The following SMPD4 variants were observed in gnomAD, a reference collection of about 807,000 sequenced individuals.
SMPD4 encodes the protein neutral sphingomyelinase 3.
In SMPD4, 58 loss-of-function variants were observed where a neutral mutation model predicts 97.8. The ratio of observed to expected loss-of-function variants is 0.59; its 90% CI spans 0.48 to 0.74. The LOEUF is 0.74. SMPD4 is among the 30% of genes least tolerant of loss of function. SMPD4 has a pLI of 0.00. For synonymous variants in SMPD4, 388 were observed against 450.0 expected (o/e 0.86, Z 1.74); for missense variants, 853 against 1,080.5 (o/e 0.79, Z 2.95).
Position 130,155,220 on chromosome 2 carries a change from C to T in SMPD4, c.1329G>A (p.Lys443=). 2.5e-6 allele frequency: 4 copies of T among 1,614,188 alleles called. No individual in the cohort carries two copies. Among genetic ancestry groups the T allele is most frequent in the Non-Finnish European group, 3.4e-6 (4 of 1,180,032 alleles). The change falls in exon 15 of 20, where the codon AAG becomes AAA. Residue 443 remains lysine, a synonymous_variant. Transcript: ENST00000680298. ...CGCGGTTCAGAAAGCCCACAAACAA[C>T]TTGGTGTACATCAGCAGGTTCTCCT... is the stretch of plus-strand genomic sequence containing the variant. ...FVQENLLMYT[K]LFVGFLNRAL...
Position 130,158,480 on chromosome 2 carries a change from C to T in SMPD4, c.952-1084G>A, listed in dbSNP as rs75377146. Among the ~76,000 whole-genome samples the T allele has an allele frequency of 1.1e-4, 17 of 152,252 alleles. No individual in the cohort carries two copies. In the East Asian group the frequency reaches 3.1e-3, roughly 28 times the overall value. On this transcript the variant is annotated intron_variant, in intron 11 of 19. Coordinates refer to ENST00000680298, the MANE Select transcript of SMPD4 (RefSeq NM_017951.5). ...GACAAGTGTGTGCCACCATGCCCAGCTAATTTTTATTTTTCATAGAGATGG... is the reference window on the plus strand; with the variant it reads ...GACAAGTGTGTGCCACCATGCCCAGTTAATTTTTATTTTTCATAGAGATGG...
At chr2:130,166,178 G>A (rs768360838) in intron 9 of SMPD4, among the ~76,000 whole-genome samples, 1 of 151,770 alleles carries the variant, frequency 6.6e-6, no homozygotes, top group Non-Finnish European at 1.5e-5. Context: ...GCATGGCAGT[G>A]GGCACCTGTA....
intron 8 of SMPD4, among the ~76,000 whole-genome samples, chr2:130,168,963 C>T (rs1005706744): frequency 3.9e-5 from 6 of 152,118 alleles, no homozygotes; most frequent in African/African-American, 9.7e-5. Context: ...TCCAGTGATC[C>T]GCCCACCTCA....
intron 8 of SMPD4, among the ~76,000 whole-genome samples, chr2:130,168,649 C>T (rs573649070): frequency 3.3e-5 from 5 of 152,136 alleles, no homozygotes; most frequent in African/African-American, 7.2e-5. Flanking sequence ...ACCAACACCA[C>T]CACGCCTGGC....
rs758423331 is a variant in SMPD4, at chr2:130,169,204, C to A, written c.660-1614G>T. Among the ~76,000 whole-genome samples the A allele has an allele frequency of 3.3e-5, 5 of 152,124 alleles. No individual in the cohort carries two copies. In the East Asian group the frequency reaches 9.6e-4, roughly 29 times the overall value. Reference sequence around the variant, plus strand: ...AATACCACACAGCCTAAGGGGCGGCCGCATGCTCTGGAGGGGTCAAGGTCA... The same window carrying A: ...AATACCACACAGCCTAAGGGGCGGCAGCATGCTCTGGAGGGGTCAAGGTCA... On this transcript the variant is annotated intron_variant, in intron 8 of 19. Coordinates refer to ENST00000680298, the MANE Select transcript of SMPD4 (RefSeq NM_017951.5).
rs112475012 is a variant in SMPD4 at position 130,155,002 on chromosome 2, G to T, written c.1453+94C>A. 6,466 of 1,496,042 alleles carry T rather than the reference G, an allele frequency of 4.3e-3. 119 individuals carry two copies. The African/African-American group carries it at 0.05, about 12-fold the overall frequency. 92.7% of individuals were successfully genotyped at this position (1,496,042 alleles called of 1,614,324 possible). ...TGCCGGGGCCCACTCTGGGCGTGTG[G>T]GTCCCTCTTAAAGACCAGCCACCCC... On this transcript the variant is annotated intron_variant, in intron 15 of 19. Transcript: ENST00000680298.
At position 130,153,382 on chromosome 2, in the gene SMPD4, C is replaced by T. The variant is rs969560206; in HGVS notation, c.1962G>A (p.Lys654=). 3 of 1,613,864 alleles carry T rather than the reference C, an allele frequency of 1.9e-6. No individual in the cohort carries two copies. The highest frequency in any genetic ancestry group is 2.5e-6 in the Non-Finnish European group (3 of 1,180,028). ...CACCCACGATGCAGTCGGGGAGTTG[C>T]TTTTTTCCATTCTCATCCTGGGTGG... ...LGTTQDENGK[K]QLPDCIVGED... The change falls in exon 18 of 20, where the codon AAG becomes AAA. Residue 654 remains lysine (K), a synonymous_variant. Transcript: ENST00000680298.
chr2:130,172,311 T>C (rs1304167903), intron 8 of SMPD4, 38 bp downstream of exon 8: 6 of 1,519,284 alleles, frequency 3.9e-6, no homozygotes, highest in African/African-American at 1.4e-5. Flanking sequence ...GGCCACTCCC[T>C]TATGGAAGGG....
At chr2:130,177,694 CAA>C (rs747902500) in intron 1 of SMPD4, among the ~76,000 whole-genome samples, 23 of 108,168 alleles carry the variant, frequency 2.1e-4, no homozygotes, top group Admixed American at 2.0e-4. Context: ...GACTCCATCT[CAA>C]AAAAAAAAAA....
chr2:130,154,140 C>G, intron 16 of SMPD4, 137 bp downstream of exon 16: 1 of 1,221,798 alleles, frequency 8.2e-7, no homozygotes, highest in South Asian at 1.6e-5. Context: ...TTAGACTTTA[C>G]TAAAACGGGG....
At chr2:130,156,745 G>A (rs779855621) in intron 12 of SMPD4, 70 bp from the exon 13 acceptor site, 13 of 1,568,850 alleles carry the variant, frequency 8.3e-6, no homozygotes, top group Admixed American at 5.6e-5. Flanking sequence ...TGACCCCAGG[G>A]CTCCCATCAG....
chr2:130,156,140 G>C lies in SMPD4; in HGVS notation c.1189-5C>G, dbSNP rs770639854. 3 of 1,607,668 alleles carry C rather than the reference G, an allele frequency of 1.9e-6. No homozygotes were observed. Among genetic ancestry groups the C allele is most frequent in the Non-Finnish European group, 2.5e-6 (3 of 1,176,942 alleles). On this transcript the variant is annotated splice_polypyrimidine_tract_variant and splice_region_variant and intron_variant, in intron 13 of 19. Transcript: ENST00000680298. ...GCTCAGCCACATCTCCAGGACCTGT[G>C]GGGGAGGTGTGTGCTAAGGGCTCCG...
intron 10 of SMPD4, among the ~76,000 whole-genome samples, chr2:130,162,797 G>C (rs1235812638): frequency 4.6e-5 from 7 of 152,212 alleles, no homozygotes; most frequent in Non-Finnish European, 8.8e-5. Context: ...CACCCACCAA[G>C]TTTTCTTGCG....
rs1244566137 is a variant in SMPD4 at position 130,152,561 on chromosome 2, C to A, written c.2478G>T (p.Gln826His). The change falls in exon 20 of 20, where the codon CAG becomes CAT. Residue 826 changes from glutamine (Q) to histidine (H), a missense_variant. Gln to His is a conservative substitution (Grantham distance 24). Around this residue, in one of 3 missense-constraint regions of SMPD4, gnomAD observed 511 missense variants for 608.1 expected, o/e 0.84. Coordinates refer to ENST00000680298, the MANE Select transcript of SMPD4 (RefSeq NM_017951.5). ...TLLTERGKLHQP is the reference protein window; with the variant it reads ...TLLTERGKLHHP ...CTGAAGGCAGCTGACACCTTCAGGGCTGGTGCAGCTTCCCCCGCTCGGTCA... is the reference window on the plus strand; with the variant it reads ...CTGAAGGCAGCTGACACCTTCAGGGATGGTGCAGCTTCCCCCGCTCGGTCA... 23 of 1,546,180 alleles carry A rather than the reference C, an allele frequency of 1.5e-5. No homozygotes were observed. In the East Asian group the frequency reaches 4.7e-4, roughly 31 times the overall value.
intron 10 of SMPD4, among the ~76,000 whole-genome samples, 200 bp from the exon 11 acceptor site, chr2:130,161,472 A>C (rs1687410488): frequency 1.3e-5 from 2 of 152,196 alleles, no homozygotes; most frequent in African/African-American, 2.4e-5. Flanking sequence ...TTGCAGTCCC[A>C]GCAGCCGCGG....
chr2:130,155,922 GGGGCCA>G (rs1686738479), intron 14 of SMPD4, 107 bp downstream of exon 14: 1 of 1,069,790 alleles, frequency 9.3e-7, no homozygotes, highest in Admixed American at 2.2e-5. Flanking sequence ...GGAGGCCACG[GGGGCCA>G]GGGCCAGGCT....
intron 12 of SMPD4, among the ~76,000 whole-genome samples, chr2:130,157,017 A>G (rs1573670849): frequency 6.6e-6 from 1 of 152,088 alleles, no homozygotes; most frequent in Non-Finnish European, 1.5e-5. Context: ...GATGCAAGAG[A>G]TGGCAGCACA....
chr2:130,175,371 A>G (rs1688885977), intron 2 of SMPD4, among the ~76,000 whole-genome samples: 1 of 152,276 alleles, frequency 6.6e-6, no homozygotes, highest in South Asian at 2.1e-4. Flanking sequence ...ACAGAGTATA[A>G]CTGAGTTTGT....
At chr2:130,158,398 A>G in intron 11 of SMPD4, 1 of 356,046 alleles carries the variant, frequency 2.8e-6, no homozygotes, top group Non-Finnish European at 5.0e-6. Context: ...GCTCACTGCA[A>G]CCTCCGCCTC....
Sources: gnomAD v4.1 joint callset for allele counts (sites outside exome capture counted in the v4.1 genomes callset) on GRCh38, gnomAD v4.1.1 for gene constraint, gnomAD v4.1.1 regional missense constraint, MANE v1.5 for transcripts, NCBI Gene and HGNC (gene_info 2026-07-23, HGNC 2026-07-21) for gene names.